CFAP61: variants seen among roughly 807,000 people sequenced by gnomAD.
CFAP61 encodes cilia and flagella associated protein 61.
CFAP61 carries 107 observed loss-of-function variants against 135.6 expected under a neutral mutation model. The observed-to-expected ratio is 0.79, with a 90% CI of 0.67 to 0.93. The LOEUF (loss-of-function observed/expected upper bound fraction) is 0.93, where lower values mean the gene tolerates loss of function less well. CFAP61 is among the 40% of genes least tolerant of loss of function. The pLI, the probability that CFAP61 is intolerant of heterozygous loss-of-function variation, is 0.00. For synonymous variants in CFAP61, 575 were observed against 578.5 expected, an observed-to-expected ratio of 0.99 and a Z score of 0.09; for missense variants, 1,507 against 1,556.2, an observed-to-expected ratio of 0.97 and a Z score of 0.53.
intron 8 of CFAP61, among the ~76,000 whole-genome samples, chr20:20,106,000 C>CCA (rs2048359325): frequency 9.7e-6 from 1 of 102,654 alleles, no homozygotes; most frequent in Non-Finnish European, 1.9e-5. Flanking sequence ...CTACTCTTGC[C>CCA]TATATATATA....
intron 8 of CFAP61, among the ~76,000 whole-genome samples, chr20:20,104,580 G>A (rs1434918305): frequency 6.6e-6 from 1 of 152,152 alleles, no homozygotes; most frequent in Non-Finnish European, 1.5e-5. Context: ...TACAGGGTGT[G>A]TTAGGATTTC....
chr20:20,106,967 G>A (rs2048453544), intron 8 of CFAP61, among the ~76,000 whole-genome samples: 2 of 152,242 alleles, frequency 1.3e-5, no homozygotes, highest in Admixed American at 6.5e-5. Context: ...TAGAAAACAC[G>A]GTGATAGGGG....
intron 2 of CFAP61, among the ~76,000 whole-genome samples, chr20:20,068,756 T>C (rs1360819180): frequency 1.3e-5 from 2 of 152,234 alleles, no homozygotes; most frequent in Non-Finnish European, 2.9e-5. Context: ...TTCCTTTTTA[T>C]TTCTTTTGAG....
chr20:20,106,558 G>A (rs1439148132), intron 8 of CFAP61, among the ~76,000 whole-genome samples: 1 of 152,168 alleles, frequency 6.6e-6, no homozygotes, highest in Admixed American at 6.5e-5. Context: ...TTTGTATGGG[G>A]CCTGGAGGTC....
At chr20:20,089,170 C>T (rs2047005769) in intron 6 of CFAP61, among the ~76,000 whole-genome samples, 1 of 152,176 alleles carries the variant, frequency 6.6e-6, no homozygotes. Context: ...AGTGCATTGT[C>T]AGCTTAGCAG....
intron 9 of CFAP61, 51 bp downstream of exon 9, chr20:20,142,999 C>A: frequency 1.8e-6 from 2 of 1,088,544 alleles, no homozygotes; most frequent in Non-Finnish European, 2.7e-6. Flanking sequence ...GGCCTGGGGG[C>A]TACCTGTGAC....
intron 25 of CFAP61, among the ~76,000 whole-genome samples, chr20:20,305,577 T>C (rs1472217121): frequency 6.6e-6 from 1 of 152,162 alleles, no homozygotes; most frequent in Non-Finnish European, 1.5e-5. Context: ...ATCCGCCTCA[T>C]CCCTCACACG....
intron 9 of CFAP61, among the ~76,000 whole-genome samples, chr20:20,152,636 A>C (rs2052547814): frequency 6.6e-6 from 1 of 152,242 alleles, no homozygotes; most frequent in Admixed American, 6.5e-5. Context: ...ACATTATAAA[A>C]TGATTTTTAA....
At position 20,070,090 on chromosome 20, in the gene CFAP61, C is replaced by CA. The variant is rs1291321183; in HGVS notation, c.144-762dup. On this transcript the variant is annotated intron_variant, in intron 2 of 26. Coordinates refer to ENST00000245957, the MANE Select transcript of CFAP61 (RefSeq NM_015585.4). ...TAAGTCTTGCTGCCTTGATGGGCCA[C>CA]AAGACAGGGTAGCAGTTGGGAGGGA... Among the ~76,000 whole-genome samples, 12 of 152,306 alleles carry CA rather than the reference C, an allele frequency of 7.9e-5. No homozygotes were observed. The East Asian group carries it at 2.3e-3, about 29-fold the overall frequency.
At chr20:20,322,665 G>T (rs771753475) in intron 25 of CFAP61, 1 of 985,326 alleles carries the variant, frequency 1.0e-6, no homozygotes, top group Non-Finnish European at 1.2e-6. Context: ...TGGTCTTCCA[G>T]CAGAAACAGT....
In CFAP61 at chr20:20,252,804, T is replaced by C. The variant is rs138752549; in HGVS notation, c.2328+1041T>C. ...TCCACCTGGGTGTTGCCACAGAATG[T>C]GCTCAGCAGCTCTAAGCATCACTTA... On this transcript the variant is annotated intron_variant, in intron 20 of 26. Transcript: ENST00000245957. Among the ~76,000 whole-genome samples the C allele has an allele frequency of 2.6e-4, 39 of 152,370 alleles. 1 individual carries two copies. The highest frequency in any genetic ancestry group is 2.5e-3 in the Admixed American group (38 of 15,308).
At chr20:20,333,496 C>T (rs547919845) in intron 25 of CFAP61, among the ~76,000 whole-genome samples, 1 of 152,304 alleles carries the variant, frequency 6.6e-6, no homozygotes, top group East Asian at 1.9e-4. Flanking sequence ...AGACCACCAA[C>T]GCAAGCATCG....
At chr20:20,345,347 G>A (rs868457776) in intron 26 of CFAP61, among the ~76,000 whole-genome samples, 1 of 152,122 alleles carries the variant, frequency 6.6e-6, no homozygotes, top group East Asian at 1.9e-4. Context: ...TTGTATGCCT[G>A]TATCAAAATA....
At chr20:20,105,138 C>T (rs2048289493) in intron 8 of CFAP61, among the ~76,000 whole-genome samples, 1 of 152,046 alleles carries the variant, frequency 6.6e-6, no homozygotes, top group Admixed American at 6.6e-5. Context: ...ATGTCTACAT[C>T]CTCTCATAAG....
chr20:20,246,309 A>G, intron 19 of CFAP61, 94 bp downstream of exon 19: 2 of 851,566 alleles, frequency 2.3e-6, no homozygotes, highest in East Asian at 4.9e-5. Flanking sequence ...CAGATTGGAA[A>G]AGGAGAAGTG....
intron 9 of CFAP61, among the ~76,000 whole-genome samples, chr20:20,155,493 G>A (rs1008162804): frequency 2.6e-5 from 4 of 152,150 alleles, no homozygotes; most frequent in African/African-American, 9.7e-5. Context: ...CCCACAGAGT[G>A]GGAGGAAATA....
intron 2 of CFAP61, among the ~76,000 whole-genome samples, chr20:20,060,680 AT>A (rs2044730787): frequency 6.6e-6 from 1 of 152,234 alleles, no homozygotes; most frequent in Admixed American, 6.5e-5. Flanking sequence ...CTCACAAAGA[AT>A]CATGGCTCGC....
At chr20:20,134,657 A>G (rs1183747957) in intron 8 of CFAP61, among the ~76,000 whole-genome samples, 2 of 152,222 alleles carry the variant, frequency 1.3e-5, no homozygotes, top group Non-Finnish European at 2.9e-5. Context: ...TAATTAATGG[A>G]ACTTGATATT....
rs564238074 is a variant in CFAP61 at position 20,296,402 on chromosome 20, C to T, written c.3217-1779C>T. Among the ~76,000 whole-genome samples the T allele has an allele frequency of 1.6e-3, 183 of 112,674 alleles. 1 individual carries two copies. Among genetic ancestry groups the T allele is most frequent in the African/African-American group, 5.9e-3 (172 of 29,180 alleles). The allele number at this position is 112,674 out of a possible 152,430, so 73.9% of individuals were successfully genotyped here. A position where few individuals can be genotyped will look rare whatever the true frequency, so the allele number is the denominator to read the frequency against. ...TCCCTCCCTCCCTCCTTCCTGCCTT[C>T]CTTCTTTCTTTCTTTTCTTTCTTCC... On this transcript the variant is annotated intron_variant, in intron 24 of 26. Coordinates refer to ENST00000245957, the MANE Select transcript of CFAP61 (RefSeq NM_015585.4).
Sources: allele counts gnomAD v4.1 joint callset (sites outside exome capture counted in the v4.1 genomes callset), GRCh38; gene constraint gnomAD v4.1.1; transcripts MANE v1.5; gene names NCBI Gene and HGNC (gene_info 2026-07-23, HGNC 2026-07-21).